Variants in SNX29 observed in about 807,000 individuals in gnomAD.
The protein encoded by SNX29 is sorting nexin-29.
A neutral mutation model predicts 102.1 loss-of-function variants in SNX29; 78 were observed. The ratio of observed to expected loss-of-function variants is 0.76; its 90% CI spans 0.64 to 0.92. The LOEUF (loss-of-function observed/expected upper bound fraction) is 0.92, where lower values mean the gene tolerates loss of function less well. SNX29 is among the 40% of genes least tolerant of loss of function. The pLI, the probability that SNX29 is intolerant of heterozygous loss-of-function variation, is 0.00. For missense variants in SNX29, 1,280 were observed against 1,061.7 expected, an observed-to-expected ratio of 1.21 and a Z score of -2.86; for synonymous variants, 580 against 414.5, an observed-to-expected ratio of 1.40 and a Z score of -4.85.
chr16:12,022,375 A>G (rs1471580292), intron 3 of SNX29, among the ~76,000 whole-genome samples: 2 of 151,754 alleles, frequency 1.3e-5, no homozygotes, highest in Non-Finnish European at 2.9e-5. Flanking sequence ...TAATTTTTGT[A>G]TTTTTAGTAG....
chr16:12,559,481 T>C (rs1291649799), intron 20 of SNX29, among the ~76,000 whole-genome samples: 2 of 151,780 alleles, frequency 1.3e-5, no homozygotes, highest in South Asian at 4.2e-4. Flanking sequence ...ATTTTTTCCA[T>C]GTAGTAATAA....
intron 14 of SNX29, among the ~76,000 whole-genome samples, chr16:12,227,736 C>A (rs762083260): frequency 4.0e-5 from 6 of 151,796 alleles, no homozygotes; most frequent in African/African-American, 1.5e-4. Context: ...CCAGTCTCTA[C>A]TATAAATACA....
At chr16:12,001,206 G>A (rs1361840532) in intron 2 of SNX29, among the ~76,000 whole-genome samples, 1 of 152,048 alleles carries the variant, frequency 6.6e-6, no homozygotes, top group Non-Finnish European at 1.5e-5. Flanking sequence ...CTGTCTCCTG[G>A]GCTCAAGTGA....
intron 18 of SNX29, among the ~76,000 whole-genome samples, chr16:12,427,398 A>G (rs907746173): frequency 5.3e-5 from 8 of 152,028 alleles, no homozygotes; most frequent in Non-Finnish European, 8.8e-5. Flanking sequence ...ATAGGAACCA[A>G]CAATGGCTTT....
chr16:12,567,585 G>A (rs1239399111), intron 20 of SNX29, among the ~76,000 whole-genome samples: 1 of 152,072 alleles, frequency 6.6e-6, no homozygotes, highest in African/African-American at 2.4e-5. Flanking sequence ...GCCTGGACAA[G>A]AGCAAGACCC....
intron 8 of SNX29, among the ~76,000 whole-genome samples, chr16:12,056,949 G>A (rs2050545668): frequency 7.8e-6 from 1 of 128,816 alleles, no homozygotes; most frequent in Non-Finnish European, 1.9e-5. Flanking sequence ...AGCCTCCTGA[G>A]TAGCTAGGAC....
chr16:12,530,065 C>T (rs555721757), intron 20 of SNX29, among the ~76,000 whole-genome samples: 36 of 152,358 alleles, frequency 2.4e-4, no homozygotes, highest in Admixed American at 1.0e-3. Flanking sequence ...AGTTCGGCAC[C>T]GTTCCAACTA....
At chr16:12,065,523 A>G (rs1567175006) in intron 9 of SNX29, among the ~76,000 whole-genome samples, 1 of 152,148 alleles carries the variant, frequency 6.6e-6, no homozygotes. Flanking sequence ...TTGTTTCCCC[A>G]TCAAGTCTAA....
intron 14 of SNX29, among the ~76,000 whole-genome samples, chr16:12,256,512 G>T (rs1596650599): frequency 6.6e-6 from 1 of 152,144 alleles, no homozygotes; most frequent in East Asian, 1.9e-4. Flanking sequence ...ATTTGTAGCA[G>T]AGACGAGGTT....
At chr16:12,001,812 G>T (rs1310468992) in intron 2 of SNX29, among the ~76,000 whole-genome samples, 1 of 152,086 alleles carries the variant, frequency 6.6e-6, no homozygotes, top group Non-Finnish European at 1.5e-5. Flanking sequence ...GAGGCCAGGG[G>T]TGTGAGACCA....
At chr16:12,083,305 CA>C (rs373592693) in intron 11 of SNX29, among the ~76,000 whole-genome samples, 384 of 130,840 alleles carry the variant, frequency 2.9e-3, no homozygotes, top group Admixed American at 4.2e-3. Flanking sequence ...GACTATGTCT[CA>C]AAAAAAAAAA....
rs987110622 is a variant in SNX29 at position 12,569,065 on chromosome 16, C to G, written c.*436C>G. 4.0e-5 allele frequency: 8 copies of G among 200,136 alleles called. No homozygotes were observed. The highest frequency in any genetic ancestry group is 1.6e-4 in the African/African-American group (6 of 38,500). 12.4% of individuals were successfully genotyped at this position (200,136 alleles called of 1,614,324 possible). A position where few individuals can be genotyped will look rare whatever the true frequency, so the allele number is the denominator to read the frequency against. ...CGTGGGGACTAGAATGACTATTAGC[C>G]TCTCCTTTTGCTTTTTAAGGTTATT... On this transcript the variant is annotated 3_prime_UTR_variant, in exon 21 of 21. Transcript: ENST00000566228.
Position 12,403,460 on chromosome 16 carries a change from G to A in SNX29, c.1968G>A (p.Ala656=), listed in dbSNP as rs1435951719. ...TCCTTTTGGTTAGATCAAACCGGGC[G>A]CTGATCAACGTCTGGATCCCCTCAG... The part of the protein sequence containing the change: ...SLSDFEISNR[A]LINVWIPSVF... Residue 656 remains alanine (A), a synonymous_variant, in exon 18 of 21, where the codon GCG becomes GCA. Coordinates refer to ENST00000566228, the MANE Select transcript of SNX29 (RefSeq NM_032167.5). 8 of 1,607,714 alleles carry A rather than the reference G, an allele frequency of 5.0e-6. No homozygotes were observed. The highest frequency in any genetic ancestry group is 4.5e-5 in the East Asian group (2 of 44,756).
At chr16:12,526,214 C>G (rs753941900) in intron 20 of SNX29, among the ~76,000 whole-genome samples, 51 of 152,090 alleles carry the variant, frequency 3.4e-4, no homozygotes, top group Non-Finnish European at 5.7e-4. Context: ...AACGGTTGTT[C>G]TAATGGTGTT....
At chr16:12,184,377 T>A (rs964075186) in intron 13 of SNX29, among the ~76,000 whole-genome samples, 5 of 152,200 alleles carry the variant, frequency 3.3e-5, no homozygotes, top group Non-Finnish European at 7.4e-5. Context: ...GTGCTGAATG[T>A]TGGGCTGTAG....
At position 12,537,413 on chromosome 16, in the gene SNX29, A is replaced by C. The variant is rs114103404; in HGVS notation, c.2318+12572A>C. Among the ~76,000 whole-genome samples the C allele has an allele frequency of 2.3e-3, 356 of 152,346 alleles. 2 individuals are homozygous for C. Among genetic ancestry groups the C allele is most frequent in the African/African-American group, 8.3e-3 (343 of 41,572 alleles). ...TTTGAGCCAAACAGACCTGGGCTCAAATTCCAGCTCAACTACATAGCAGCC... is the reference window on the plus strand; with the variant it reads ...TTTGAGCCAAACAGACCTGGGCTCACATTCCAGCTCAACTACATAGCAGCC... On this transcript the variant is annotated intron_variant, in intron 20 of 20. Transcript: ENST00000566228.
rs552257217 is a variant in SNX29 at position 12,542,623 on chromosome 16, C to T, written c.2318+17782C>T. On this transcript the variant is annotated intron_variant, in intron 20 of 20. Transcript: ENST00000566228. ...CTGGGATTACAGGCGTGAGCCACGGCACCCAGTGTGGGTCTAACACTTAAA... is the reference window on the plus strand; with the variant it reads ...CTGGGATTACAGGCGTGAGCCACGGTACCCAGTGTGGGTCTAACACTTAAA... Among the ~76,000 whole-genome samples the T allele has an allele frequency of 2.0e-5, 3 of 152,364 alleles. No homozygotes were observed. The South Asian group carries it at 6.2e-4, about 32-fold the overall frequency.
rs1253098097 is a variant in SNX29, at chr16:12,570,448, C to G, written c.*1819C>G. 1 of 240,670 alleles carries G rather than the reference C, an allele frequency of 4.2e-6. No individual in the cohort carries two copies. Among genetic ancestry groups the G allele is most frequent in the African/African-American group, 2.2e-5 (1 of 45,444 alleles). The allele number at this position is 240,670 out of a possible 1,614,324, so 14.9% of individuals were successfully genotyped here. ...ACTCTAAATAGAGAGCCCTAATGGA[C>G]TGAGGCAGGAAACGTCTAAAAGCTC... On this transcript the variant is annotated 3_prime_UTR_variant, in exon 21 of 21. Transcript: ENST00000566228.
At chr16:12,420,027 T>C (rs1419746324) in intron 18 of SNX29, among the ~76,000 whole-genome samples, 1 of 151,890 alleles carries the variant, frequency 6.6e-6, no homozygotes, top group African/African-American at 2.4e-5. Context: ...CACACCAGGG[T>C]TTTTTAACTG....
Sources: allele counts gnomAD v4.1 joint callset (sites outside exome capture counted in the v4.1 genomes callset), GRCh38; gene constraint gnomAD v4.1.1; transcripts MANE v1.5; gene names NCBI Gene and HGNC (gene_info 2026-07-23, HGNC 2026-07-21).